Variants in PTPRD observed in about 807,000 individuals in gnomAD.
The protein encoded by PTPRD is receptor-type tyrosine-protein phosphatase delta.
In PTPRD, 34 loss-of-function variants were observed where a neutral mutation model predicts 214.5. That is an observed-to-expected ratio of 0.16 (90% CI 0.12 to 0.21). PTPRD has a LOEUF of 0.21. Among genes scored for constraint, PTPRD ranks in the 10% least tolerant of loss-of-function variants. The probability of loss-of-function intolerance (pLI) is 1.00; values close to 1 mark genes in which losing one functional copy is unlikely to be tolerated. For synonymous variants in PTPRD, 1,128 were observed against 845.7 expected, an observed-to-expected ratio of 1.33 and a Z score of -5.79; for missense variants, 2,545 against 2,398.7, an observed-to-expected ratio of 1.06 and a Z score of -1.27.
intron 10 of PTPRD, among the ~76,000 whole-genome samples, chr9:9,157,605 G>A (rs2099882344): frequency 6.6e-6 from 1 of 152,078 alleles, no homozygotes; most frequent in African/African-American, 2.4e-5. Flanking sequence ...AAATGAGGAA[G>A]GAGATTGAAT....
intron 10 of PTPRD, among the ~76,000 whole-genome samples, chr9:9,173,886 T>C (rs1231706753): frequency 6.6e-6 from 1 of 152,142 alleles, no homozygotes; most frequent in South Asian, 2.1e-4. Context: ...TATCCCAATA[T>C]CTGCAGTGTC....
At chr9:9,350,296 G>T (rs879336727) in intron 9 of PTPRD, among the ~76,000 whole-genome samples, 7 of 152,072 alleles carry the variant, frequency 4.6e-5, no homozygotes, top group Admixed American at 4.6e-4. Flanking sequence ...CAAATAAGCA[G>T]CCTAACTCTT....
chr9:10,312,457 G>T (rs922400890), intron 3 of PTPRD, among the ~76,000 whole-genome samples: 3 of 151,820 alleles, frequency 2.0e-5, no homozygotes, highest in Non-Finnish European at 4.4e-5. Context: ...AGTTTTGTTG[G>T]ATTAGAAACG....
chr9:8,831,741 C>G (rs904297653), intron 11 of PTPRD, among the ~76,000 whole-genome samples: 2 of 152,126 alleles, frequency 1.3e-5, no homozygotes, highest in Non-Finnish European at 2.9e-5. Flanking sequence ...AAATTCTCTG[C>G]TATTGGTTTC....
chr9:9,756,377 G>A (rs774502128), intron 6 of PTPRD, among the ~76,000 whole-genome samples: 3 of 152,062 alleles, frequency 2.0e-5, no homozygotes, highest in Non-Finnish European at 4.4e-5. Flanking sequence ...AGCTACACAA[G>A]TTTAACATTG....
At chr9:8,782,880 G>A (rs945598915) in intron 11 of PTPRD, among the ~76,000 whole-genome samples, 3 of 152,138 alleles carry the variant, frequency 2.0e-5, no homozygotes, top group Non-Finnish European at 4.4e-5. Context: ...ACAGGCCTGA[G>A]CCACCACGCC....
In PTPRD at chr9:8,407,069, C is replaced by A. The variant is rs985367903; in HGVS notation, c.4087-2409G>T. On this transcript the variant is annotated intron_variant, in intron 35 of 45. Transcript: ENST00000381196. The stretch of plus-strand genomic sequence containing the variant: ...TAACTCATGTCCATTTCCACTCTTG[C>A]CACATGTTTTCAGCCTTCTGTAGGA... Among the ~76,000 whole-genome samples, 28 of 152,262 alleles carry A rather than the reference C, an allele frequency of 1.8e-4. 1 individual carries two copies. Among genetic ancestry groups the A allele is most frequent in the Admixed American group, 1.8e-3 (28 of 15,288 alleles).
intron 11 of PTPRD, among the ~76,000 whole-genome samples, chr9:8,789,784 C>T (rs531796829): frequency 3.5e-4 from 53 of 152,218 alleles, no homozygotes; most frequent in African/African-American, 1.2e-3. Flanking sequence ...CCGTGTCTCA[C>T]ACCATACACA....
intron 34 of PTPRD, among the ~76,000 whole-genome samples, chr9:8,437,631 C>T (rs1459745090): frequency 2.6e-5 from 4 of 152,090 alleles, no homozygotes; most frequent in Non-Finnish European, 4.4e-5. Context: ...TGATATTTTG[C>T]CCCAGGTCCC....
chr9:9,852,552 T>A (rs2060743045), intron 5 of PTPRD, among the ~76,000 whole-genome samples: 1 of 152,108 alleles, frequency 6.6e-6, no homozygotes, highest in Non-Finnish European at 1.5e-5. Context: ...TATAGAAATA[T>A]GCTCAGGTTA....
At chr9:10,237,608 G>A (rs1288463007) in intron 3 of PTPRD, among the ~76,000 whole-genome samples, 2 of 151,860 alleles carry the variant, frequency 1.3e-5, no homozygotes, top group African/African-American at 2.4e-5. Context: ...ATGTTTAATT[G>A]CTTTAAGTAC....
At chr9:8,540,644 T>G (rs1564181660) in intron 14 of PTPRD, among the ~76,000 whole-genome samples, 1 of 152,176 alleles carries the variant, frequency 6.6e-6, no homozygotes, top group Non-Finnish European at 1.5e-5. Context: ...TTAGAATAGC[T>G]TCAGAAATCC....
chr9:8,620,523 T>C (rs1403465642), intron 14 of PTPRD, among the ~76,000 whole-genome samples: 1 of 151,986 alleles, frequency 6.6e-6, no homozygotes, highest in Admixed American at 6.6e-5. Context: ...ATGGTGGTGG[T>C]GGTACTGTTC....
intron 3 of PTPRD, among the ~76,000 whole-genome samples, chr9:10,138,786 A>G (rs945276301): frequency 6.6e-6 from 1 of 152,184 alleles, no homozygotes; most frequent in Non-Finnish European, 1.5e-5. Flanking sequence ...CATAAGCCAA[A>G]TTAAAAACAG....
In PTPRD at chr9:10,502,800, G is replaced by C. The variant is rs189595283; in HGVS notation, c.-600+109598C>G. On this transcript the variant is annotated intron_variant, in intron 2 of 45. Transcript: ENST00000381196. ...CCATAAAATATCCATTTAGTTTTCA[G>C]ATAATAATATAATACATTAATAGTA... Among the ~76,000 whole-genome samples the C allele has an allele frequency of 1.9e-3, 296 of 152,084 alleles. 2 individuals are homozygous for C. Among genetic ancestry groups the C allele is most frequent in the African/African-American group, 6.9e-3 (287 of 41,526 alleles).
intron 8 of PTPRD, among the ~76,000 whole-genome samples, chr9:9,479,222 C>CCTA (rs1555458056): frequency 3.2e-5 from 3 of 93,484 alleles, no homozygotes; most frequent in African/African-American, 8.3e-5. Flanking sequence ...CACGCCCCCC[C>CCTA]CCCCCCCACA....
chr9:10,170,951 C>A (rs534371106), intron 3 of PTPRD, among the ~76,000 whole-genome samples: 10 of 152,062 alleles, frequency 6.6e-5, no homozygotes, highest in African/African-American at 2.4e-4. Flanking sequence ...TAATTTTCAC[C>A]AAGTCCTTTT....
chr9:8,529,709 T>G (rs1310083896), intron 14 of PTPRD, among the ~76,000 whole-genome samples: 3 of 152,174 alleles, frequency 2.0e-5, no homozygotes, highest in African/African-American at 7.2e-5. Flanking sequence ...TAGAAAGGTG[T>G]GTTCTATCTA....
chr9:9,400,444 GTCCT>G (rs1228748316), intron 8 of PTPRD, among the ~76,000 whole-genome samples: 1 of 34,158 alleles, frequency 2.9e-5, no homozygotes, highest in Non-Finnish European at 6.2e-5. Flanking sequence ...ATCAAAATCC[GTCCT>G]TCTAATACTA....
Sources: allele counts gnomAD v4.1 joint callset (sites outside exome capture counted in the v4.1 genomes callset), GRCh38; gene constraint gnomAD v4.1.1; transcripts MANE v1.5; gene names NCBI Gene and HGNC (gene_info 2026-07-23, HGNC 2026-07-21).